CDC42BPA: variants seen among roughly 807,000 people sequenced by gnomAD.
CDC42BPA encodes CDC42 binding protein kinase alpha, also known as serine/threonine-protein kinase MRCK alpha.
CDC42BPA carries 80 observed loss-of-function variants against 223.5 expected under a neutral mutation model. That is an observed-to-expected ratio of 0.36 (90% CI 0.30 to 0.43). The LOEUF is 0.43. Ranked by LOEUF, CDC42BPA falls within the 20% of genes least tolerant of loss-of-function variation. CDC42BPA has a pLI of 1.00. For synonymous variants in CDC42BPA, 694 were observed against 718.6 expected, an observed-to-expected ratio of 0.97 and a Z score of 0.55; for missense variants, 1,743 against 2,099.9, an observed-to-expected ratio of 0.83 and a Z score of 3.32.
intron 2 of CDC42BPA, among the ~76,000 whole-genome samples, chr1:227,236,234 T>C (rs1678993476): frequency 6.6e-6 from 1 of 152,232 alleles, no homozygotes; most frequent in East Asian, 1.9e-4. Context: ...AATGACAGAC[T>C]GACCTCTAAT....
chr1:227,193,365 CT>C (rs199636112), intron 5 of CDC42BPA, among the ~76,000 whole-genome samples: 6 of 151,092 alleles, frequency 4.0e-5, no homozygotes, highest in African/African-American at 7.3e-5. Flanking sequence ...CGGCCGAGAA[CT>C]TTTTTTTTCA....
rs1553449062 is a variant in CDC42BPA at position 227,318,153 on chromosome 1, C to CCGGGG, written c.-972_-971insCCCCG. On this transcript the variant is annotated 5_prime_UTR_variant, in exon 1 of 37. Transcript: ENST00000366766. ...CGCCGGAGGCTCCCGACGCCCCAGG[C>CCGGGG]GGGGGGGTGCTTCTCTGAATTCAAA... is the stretch of plus-strand genomic sequence containing the variant. The CCGGGG allele has an allele frequency of 2.4e-5, 4 of 166,128 alleles. No homozygotes were observed. Among genetic ancestry groups the CCGGGG allele is most frequent in the African/African-American group, 1.0e-4 (4 of 39,960 alleles). The allele number at this position is 166,128 out of a possible 1,614,324, so 10.3% of individuals were successfully genotyped here.
Position 227,045,717 on chromosome 1 carries a change from TTTTC to T in CDC42BPA, c.3093+2206_3093+2209del, listed in dbSNP as rs1199505057. On this transcript the variant is annotated intron_variant, in intron 23 of 36. Coordinates refer to ENST00000366766, the MANE Select transcript of CDC42BPA (RefSeq NM_001394014.1). ...CTGAATTTAAAAAATATTTATCATA[TTTTC>T]TTTAACTTGAGACTTCTTGTTCTCA... 8.7e-4 allele frequency among the ~76,000 whole-genome samples: 132 copies of T among 152,340 alleles called. 1 individual carries two copies. The highest frequency in any genetic ancestry group is 3.0e-3 in the African/African-American group (126 of 41,582).
At chr1:227,285,907 G>C (rs538742021) in intron 1 of CDC42BPA, among the ~76,000 whole-genome samples, 1 of 152,250 alleles carries the variant, frequency 6.6e-6, no homozygotes, top group South Asian at 2.1e-4. Flanking sequence ...TCAGAGAGAA[G>C]AACAGCATCC....
At chr1:227,203,715 A>G (rs6700591) in intron 3 of CDC42BPA, among the ~76,000 whole-genome samples, 128,114 of 152,128 alleles carry the variant, frequency 0.84, 54,233 homozygotes, top group Middle Eastern at 0.91. Flanking sequence ...CCAAACATTC[A>G]GCTTGCCACA....
chr1:227,073,838 A>G, intron 19 of CDC42BPA, 26 bp downstream of exon 19: 3 of 1,470,696 alleles, frequency 2.0e-6, no homozygotes, highest in Non-Finnish European at 1.8e-6. Flanking sequence ...AAATTATTCT[A>G]GTGGGACTAT....
chr1:227,302,056 C>T (rs1691727503), intron 1 of CDC42BPA, among the ~76,000 whole-genome samples: 1 of 152,156 alleles, frequency 6.6e-6, no homozygotes, highest in Admixed American at 6.5e-5. Flanking sequence ...TGAACTGCAT[C>T]CTGTCTGTTA....
chr1:227,145,793 T>C (rs1035421378), intron 7 of CDC42BPA, 56 bp from the exon 8 acceptor site: 47 of 1,373,478 alleles, frequency 3.4e-5, no homozygotes, highest in Non-Finnish European at 4.2e-5. Flanking sequence ...TACTAAGTAG[T>C]TGGTTGACTT....
At chr1:227,256,983 ACACAC>A (rs1683175624) in intron 1 of CDC42BPA, among the ~76,000 whole-genome samples, 1 of 147,740 alleles carries the variant, frequency 6.8e-6, no homozygotes, top group South Asian at 2.1e-4. Context: ...ACACACACAC[ACACAC>A]ACCAGTATGT....
At chr1:227,000,918 C>T (rs1662689081) in intron 35 of CDC42BPA, among the ~76,000 whole-genome samples, 1 of 152,110 alleles carries the variant, frequency 6.6e-6, no homozygotes, top group Non-Finnish European at 1.5e-5. Flanking sequence ...GATACAGCCC[C>T]TTCCAGAGAG....
intron 14 of CDC42BPA, among the ~76,000 whole-genome samples, chr1:227,109,108 T>C (rs1432715167): frequency 1.3e-5 from 2 of 152,180 alleles, no homozygotes; most frequent in Non-Finnish European, 2.9e-5. Flanking sequence ...GCATTATGAA[T>C]GGAACTTAAC....
intron 2 of CDC42BPA, among the ~76,000 whole-genome samples, chr1:227,229,591 T>G (rs1677455593): frequency 6.6e-6 from 1 of 152,190 alleles, no homozygotes; most frequent in Admixed American, 6.5e-5. Flanking sequence ...GTAGATCAAT[T>G]TGGGTAATAC....
intron 15 of CDC42BPA, among the ~76,000 whole-genome samples, chr1:227,093,924 A>G (rs1558482406): frequency 1.3e-5 from 2 of 152,142 alleles, no homozygotes; most frequent in Admixed American, 1.3e-4. Context: ...CCCTTCCTCA[A>G]AGCAGCTATA....
intron 34 of CDC42BPA, among the ~76,000 whole-genome samples, chr1:227,007,256 A>G (rs533465635): frequency 6.6e-6 from 1 of 152,324 alleles, no homozygotes; most frequent in African/African-American, 2.4e-5. Flanking sequence ...CTATAGGGTA[A>G]TCCTTTATCT....
chr1:227,054,126 C>G (rs1347673277), intron 21 of CDC42BPA, among the ~76,000 whole-genome samples: 1 of 143,904 alleles, frequency 6.9e-6, no homozygotes, highest in East Asian at 2.0e-4. Context: ...AGTTTCTGAC[C>G]TGTTGCAAAA....
intron 10 of CDC42BPA, among the ~76,000 whole-genome samples, chr1:227,129,478 G>A (rs1197241951): frequency 6.6e-6 from 1 of 151,336 alleles, no homozygotes; most frequent in African/African-American, 2.4e-5. Context: ...GACCAGACTG[G>A]GCAACAGAAT....
chr1:227,031,225 G>T, intron 28 of CDC42BPA, 73 bp downstream of exon 28: 1 of 1,205,016 alleles, frequency 8.3e-7, no homozygotes, highest in South Asian at 1.3e-5. Context: ...ATTCCTAGAT[G>T]AAAGCCAATC....
At chr1:227,062,803 A>T (rs1461284717) in intron 21 of CDC42BPA, among the ~76,000 whole-genome samples, 2 of 151,508 alleles carry the variant, frequency 1.3e-5, no homozygotes, top group Non-Finnish European at 2.9e-5. Context: ...ATTACCACCC[A>T]TGTAAAAAGT....
At position 226,993,990 on chromosome 1, in the gene CDC42BPA, G is replaced by A; in HGVS notation, c.*278C>T. On this transcript the variant is annotated 3_prime_UTR_variant, in exon 37 of 37. Transcript: ENST00000366766. The stretch of plus-strand genomic sequence containing the variant: ...AATCTGTCTATTTAAGCTACCTTTG[G>A]GAGTAGGGGTAAAATGTTACTGAAA... The A allele has an allele frequency of 5.8e-6, 2 of 346,692 alleles. No individual in the cohort carries two copies. The highest frequency in any genetic ancestry group is 1.1e-5 in the Non-Finnish European group (2 of 186,494). 21.5% of individuals were successfully genotyped at this position (346,692 alleles called of 1,614,324 possible).
Sources: gnomAD v4.1 joint callset for allele counts (sites outside exome capture counted in the v4.1 genomes callset) on GRCh38, gnomAD v4.1.1 for gene constraint, MANE v1.5 for transcripts, NCBI Gene and HGNC (gene_info 2026-07-23, HGNC 2026-07-21) for gene names.